The following TRPM3 variants were observed in gnomAD, a reference collection of about 807,000 sequenced individuals.
The protein encoded by TRPM3 is transient receptor potential cation channel subfamily M member 3.
In TRPM3, 77 loss-of-function variants were observed where a neutral mutation model predicts 181.2. That is an observed-to-expected ratio of 0.42 (90% CI 0.35 to 0.51). TRPM3 has a LOEUF of 0.51. TRPM3 is among the 20% of genes least tolerant of loss of function. TRPM3 has a pLI of 0.01. For missense variants in TRPM3, 1,759 were observed against 2,196.7 expected (o/e 0.80, Z 3.98); for synonymous variants, 745 against 796.4 (o/e 0.94, Z 1.09).
At chr9:71,420,493 C>A (rs2093709019) in intron 1 of TRPM3, among the ~76,000 whole-genome samples, 2 of 148,170 alleles carry the variant, frequency 1.3e-5, no homozygotes, top group Admixed American at 6.8e-5. Flanking sequence ...CCAGAAGAAG[C>A]TTTCTCGCAG....
intron 1 of TRPM3, among the ~76,000 whole-genome samples, chr9:70,901,856 G>T (rs1281105473): frequency 2.6e-5 from 4 of 152,310 alleles, no homozygotes. Flanking sequence ...ATATGAGAGT[G>T]CATGACAGCA....
At chr9:71,131,390 G>A (rs981163004) in intron 1 of TRPM3, among the ~76,000 whole-genome samples, 3 of 152,154 alleles carry the variant, frequency 2.0e-5, no homozygotes, top group African/African-American at 7.2e-5. Context: ...AGAATTGGTA[G>A]CTATTTAATT....
At chr9:70,848,600 T>C (rs981871291) in intron 3 of TRPM3, among the ~76,000 whole-genome samples, 5 of 152,148 alleles carry the variant, frequency 3.3e-5, no homozygotes, top group East Asian at 1.9e-4. Context: ...AGACAGATCA[T>C]GTACAAAGAA....
Position 71,430,687 on chromosome 9 carries a change from C to A in TRPM3, c.183+15966G>T, listed in dbSNP as rs150110433. ...ATTAGCTGGGCATGGTGGCGTGCAC[C>A]TGTAATCCCAGCTGCTGGGAGGCTG... On this transcript the variant is annotated intron_variant, in intron 1 of 24. Transcript: ENST00000357533. Among the ~76,000 whole-genome samples, 1,493 of 152,086 alleles carry A rather than the reference C, an allele frequency of 9.8e-3. 14 individuals are homozygous for A. The highest frequency in any genetic ancestry group is 0.014 in the Non-Finnish European group (970 of 67,990).
intron 1 of TRPM3, among the ~76,000 whole-genome samples, chr9:71,231,904 C>A (rs941652038): frequency 2.0e-5 from 3 of 152,084 alleles, no homozygotes; most frequent in African/African-American, 4.8e-5. Flanking sequence ...GAACATGAAA[C>A]CCTTGAACCT....
chr9:71,290,791 T>A (rs1298513771), intron 1 of TRPM3, among the ~76,000 whole-genome samples: 1 of 152,036 alleles, frequency 6.6e-6, no homozygotes, highest in Non-Finnish European at 1.5e-5. Context: ...AAGAGGTAAA[T>A]GTATTAGGTT....
intron 1 of TRPM3, among the ~76,000 whole-genome samples, chr9:70,993,057 T>A (rs2097503913): frequency 6.6e-6 from 1 of 152,168 alleles, no homozygotes; most frequent in South Asian, 2.1e-4. Context: ...GTACCTGGTG[T>A]GCAGTAAGTA....
chr9:70,920,863 T>C (rs927969241), intron 1 of TRPM3, among the ~76,000 whole-genome samples: 2 of 152,198 alleles, frequency 1.3e-5, no homozygotes, highest in African/African-American at 4.8e-5. Flanking sequence ...TGTAGACCAA[T>C]ATTAGGCATT....
intron 8 of TRPM3, among the ~76,000 whole-genome samples, chr9:70,696,430 G>A (rs1297308202): frequency 6.6e-6 from 1 of 152,100 alleles, no homozygotes; most frequent in Non-Finnish European, 1.5e-5. Context: ...TGCTGTCCTG[G>A]GACACTCAGA....
chr9:71,211,194 C>T (rs552035298), intron 1 of TRPM3, among the ~76,000 whole-genome samples: 2 of 152,266 alleles, frequency 1.3e-5, no homozygotes, highest in African/African-American at 4.8e-5. Flanking sequence ...CTTTCCAAAG[C>T]CTTGCAGGAA....
chr9:71,321,746 A>G (rs1043663147), intron 1 of TRPM3, among the ~76,000 whole-genome samples: 5 of 152,140 alleles, frequency 3.3e-5, no homozygotes, highest in African/African-American at 1.2e-4. Flanking sequence ...TGGGGCTAGC[A>G]TCTGTAAATA....
At chr9:71,284,542 T>TATTA (rs1223577158) in intron 1 of TRPM3, among the ~76,000 whole-genome samples, 1 of 152,228 alleles carries the variant, frequency 6.6e-6, no homozygotes, top group Non-Finnish European at 1.5e-5. Context: ...AGTACTGTTA[T>TATTA]ATTAGCTTGT....
intron 9 of TRPM3, among the ~76,000 whole-genome samples, chr9:70,649,271 C>T (rs1364700331): frequency 6.6e-6 from 1 of 151,594 alleles, no homozygotes; most frequent in Non-Finnish European, 1.5e-5. Context: ...TGACTGCAAC[C>T]TCTGCCTCCC....
At chr9:71,000,149 C>A (rs2097584253) in intron 1 of TRPM3, among the ~76,000 whole-genome samples, 1 of 152,080 alleles carries the variant, frequency 6.6e-6, no homozygotes, top group Non-Finnish European at 1.5e-5. Flanking sequence ...CATAATGTAT[C>A]CCATTGGGAA....
chr9:70,802,166 G>T (rs776629333), intron 6 of TRPM3, among the ~76,000 whole-genome samples: 7 of 152,160 alleles, frequency 4.6e-5, no homozygotes, highest in Non-Finnish European at 8.8e-5. Flanking sequence ...CCTGTGAAAA[G>T]AAGTGAAATC....
In TRPM3 at chr9:70,683,428, C is replaced by CTTTTTTT. The variant is rs575176948; in HGVS notation, c.1273-1857_1273-1851dup. On this transcript the variant is annotated intron_variant, in intron 8 of 25. Coordinates refer to ENST00000677713, the MANE Select transcript of TRPM3 (RefSeq NM_001366145.2). ...CCTTTTCTCTCTTTCTCTCTCTCTC[C>CTTTTTTT]TTTTTTTTTTTTTTTTTTTTTTTTT... Among the ~76,000 whole-genome samples the CTTTTTTT allele has an allele frequency of 5.6e-3, 321 of 57,458 alleles. 33 individuals carry two copies. Among genetic ancestry groups the CTTTTTTT allele is most frequent in the Non-Finnish European group, 6.7e-3 (205 of 30,776 alleles). The allele number at this position is 57,458 out of a possible 152,430, so 37.7% of individuals were successfully genotyped here.
At chr9:71,059,441 A>C (rs2061055384) in intron 1 of TRPM3, among the ~76,000 whole-genome samples, 1 of 152,072 alleles carries the variant, frequency 6.6e-6, no homozygotes, top group Non-Finnish European at 1.5e-5. Flanking sequence ...CGATCAGAGC[A>C]AATGTTTCCT....
intron 9 of TRPM3, among the ~76,000 whole-genome samples, chr9:70,677,703 C>A (rs1410211414): frequency 6.6e-6 from 1 of 152,200 alleles, no homozygotes; most frequent in East Asian, 1.9e-4. Context: ...ATCTTCAGAT[C>A]TTCATTCTGA....
At chr9:70,856,231 T>C (rs1267665881) in intron 3 of TRPM3, among the ~76,000 whole-genome samples, 1 of 152,226 alleles carries the variant, frequency 6.6e-6, no homozygotes, top group Non-Finnish European at 1.5e-5. Context: ...ATCAGAAATA[T>C]AACTGATAAA....
Sources: allele counts gnomAD v4.1 joint callset (sites outside exome capture counted in the v4.1 genomes callset), GRCh38; gene constraint gnomAD v4.1.1; transcripts MANE v1.5; gene names NCBI Gene and HGNC (gene_info 2026-07-23, HGNC 2026-07-21).